Variants in STK24 observed in about 807,000 individuals in gnomAD.
The protein encoded by STK24 is serine/threonine-protein kinase 24.
Under a neutral mutation model 55.6 loss-of-function variants are expected in STK24, and 21 were observed. The observed-to-expected ratio is 0.38, with a 90% CI of 0.27 to 0.54. The LOEUF is 0.54. Ranked by LOEUF, STK24 falls within the 20% of genes least tolerant of loss-of-function variation. The pLI, the probability that STK24 is intolerant of heterozygous loss-of-function variation, is 0.79. For synonymous variants in STK24, 200 were observed against 215.2 expected (o/e 0.93, Z 0.62); for missense variants, 383 against 538.4 (o/e 0.71, Z 2.86).
At chr13:98,539,958 G>A (rs776373825) in intron 1 of STK24, among the ~76,000 whole-genome samples, 1 of 152,134 alleles carries the variant, frequency 6.6e-6, no homozygotes, top group Non-Finnish European at 1.5e-5. Context: ...AGTGCAAACG[G>A]CCTAAATGTC....
In STK24 at chr13:98,576,883, G is replaced by A. The variant is rs1897915903; in HGVS notation, c.-97C>T. On this transcript the variant is annotated 5_prime_UTR_variant, in exon 1 of 11. Coordinates refer to ENST00000539966, the MANE Select transcript of STK24 (RefSeq NM_001032296.4). ...GCGGGCCGCGCGCAGCCCTCGGGCG[G>A]CGGGGCCGGCCGGAGCCCGAGGCCA... 1 of 839,646 alleles carries A rather than the reference G, an allele frequency of 1.2e-6. No homozygotes were observed. 52.0% of individuals were successfully genotyped at this position (839,646 alleles called of 1,614,324 possible). A position where few individuals can be genotyped will look rare whatever the true frequency, so the allele number is the denominator to read the frequency against.
At chr13:98,463,967 T>G in intron 6 of STK24, 131 bp from the exon 7 acceptor site, 4 of 1,036,898 alleles carry the variant, frequency 3.9e-6, no homozygotes, top group Non-Finnish European at 5.6e-6. Flanking sequence ...TCCACAGCGC[T>G]TCTCACTGCA....
chr13:98,453,881 G>C (rs1463407529), intron 10 of STK24: 1 of 152,118 alleles, frequency 6.6e-6, no homozygotes, highest in Non-Finnish European at 1.5e-5. Context: ...ATTACAGATT[G>C]GGCATCCCTT....
At chr13:98,472,187 C>G (rs1203462180) in intron 5 of STK24, among the ~76,000 whole-genome samples, 1 of 152,250 alleles carries the variant, frequency 6.6e-6, no homozygotes, top group Non-Finnish European at 1.5e-5. Context: ...AGCCCTAAGG[C>G]CCCAGCGTGA....
At chr13:98,576,307 G>C (rs1274025535) in intron 1 of STK24, 1 of 832,794 alleles carries the variant, frequency 1.2e-6, no homozygotes, top group Non-Finnish European at 1.4e-6. Flanking sequence ...GCCCGGGGGT[G>C]GGGGACGAGC....
At chr13:98,571,349 A>C (rs1897734318) in intron 1 of STK24, among the ~76,000 whole-genome samples, 1 of 152,068 alleles carries the variant, frequency 6.6e-6, no homozygotes, top group Non-Finnish European at 1.5e-5. Context: ...AAAGTCAGAA[A>C]GAGGGTGGGA....
At chr13:98,566,455 C>A (rs1897573056) in intron 1 of STK24, among the ~76,000 whole-genome samples, 1 of 152,166 alleles carries the variant, frequency 6.6e-6, no homozygotes, top group Non-Finnish European at 1.5e-5. Context: ...GGCTTCCGCC[C>A]CAGTGATGCT....
intron 1 of STK24, among the ~76,000 whole-genome samples, chr13:98,558,583 A>T (rs1897333965): frequency 6.6e-6 from 1 of 152,218 alleles, no homozygotes; most frequent in African/African-American, 2.4e-5. Context: ...TCTTATGCCA[A>T]CTAGCTTCCT....
intron 1 of STK24, among the ~76,000 whole-genome samples, chr13:98,536,293 G>A (rs1396448933): frequency 6.6e-6 from 1 of 152,112 alleles, no homozygotes; most frequent in Non-Finnish European, 1.5e-5. Flanking sequence ...CACTTCAGTA[G>A]GGGCCAGAAA....
At chr13:98,486,969 G>A (rs1894832411) in intron 2 of STK24, among the ~76,000 whole-genome samples, 1 of 152,190 alleles carries the variant, frequency 6.6e-6, no homozygotes, top group Non-Finnish European at 1.5e-5. Flanking sequence ...GAAAGCACTT[G>A]GCAAAATTCA....
chr13:98,509,538 A>G (rs2139362292), intron 2 of STK24, among the ~76,000 whole-genome samples: 1 of 152,354 alleles, frequency 6.6e-6, no homozygotes, highest in Admixed American at 6.5e-5. Flanking sequence ...AAATTTGTAT[A>G]TTACAGTAAA....
chr13:98,476,705 A>C (rs905700507), intron 3 of STK24, among the ~76,000 whole-genome samples: 35 of 152,226 alleles, frequency 2.3e-4, no homozygotes, highest in African/African-American at 7.7e-4. Flanking sequence ...TTGTCACCGA[A>C]ACCACAGCCT....
rs60019968 is a variant in STK24 at position 98,447,844 on chromosome 13, C to CAAA, written c.*5326_*5328dup. Reference sequence around the variant, plus strand: ...TGAGTGACAGAGCCAGACCCTGTCTCAAAAAAAAAAGAAAAAGAAAAAAGG... The same window carrying CAAA: ...TGAGTGACAGAGCCAGACCCTGTCTCAAAAAAAAAAAAAGAAAAAGAAAAAAGG... On this transcript the variant is annotated 3_prime_UTR_variant, in exon 11 of 11. Transcript: ENST00000539966. The CAAA allele has an allele frequency of 1.6e-5, 3 of 184,366 alleles. No individual in the cohort carries two copies. Among genetic ancestry groups the CAAA allele is most frequent in the Admixed American group, 1.2e-4 (2 of 16,884 alleles). 11.4% of individuals were successfully genotyped at this position (184,366 alleles called of 1,614,324 possible).
At chr13:98,495,666 G>A (rs1895226307) in intron 2 of STK24, among the ~76,000 whole-genome samples, 1 of 152,202 alleles carries the variant, frequency 6.6e-6, no homozygotes, top group Non-Finnish European at 1.5e-5. Context: ...AGTGTGTTCA[G>A]CAGAGAGAAA....
chr13:98,475,715 G>T (rs1416015815), intron 3 of STK24, among the ~76,000 whole-genome samples: 3 of 152,206 alleles, frequency 2.0e-5, no homozygotes, highest in African/African-American at 7.2e-5. Flanking sequence ...GACCCGGCCT[G>T]CGCCTGCAGC....
chr13:98,571,906 G>T (rs532431014), intron 1 of STK24, among the ~76,000 whole-genome samples: 1 of 152,090 alleles, frequency 6.6e-6, no homozygotes, highest in Non-Finnish European at 1.5e-5. Flanking sequence ...CCTTCTAAAG[G>T]GGCACCCAGC....
At chr13:98,518,916 T>C (rs1350501389) in intron 2 of STK24, among the ~76,000 whole-genome samples, 5 of 152,194 alleles carry the variant, frequency 3.3e-5, no homozygotes, top group African/African-American at 4.8e-5. Context: ...GAGTTTTTAA[T>C]ACTAATCATA....
At chr13:98,460,471 A>G (rs1302443697) in intron 8 of STK24, 31 bp from the exon 9 acceptor site, 1 of 1,587,892 alleles carries the variant, frequency 6.3e-7, no homozygotes, top group Non-Finnish European at 8.6e-7. Context: ...AGGTCATCAG[A>G]AACAGTTGAC....
chr13:98,546,905 T>G (rs951196802), intron 1 of STK24, among the ~76,000 whole-genome samples: 18 of 152,072 alleles, frequency 1.2e-4, no homozygotes, highest in African/African-American at 4.4e-4. Flanking sequence ...ATTGTTGTTT[T>G]TTTTTGTTTG....
Sources: allele counts gnomAD v4.1 joint callset (sites outside exome capture counted in the v4.1 genomes callset), GRCh38; gene constraint gnomAD v4.1.1; transcripts MANE v1.5; gene names NCBI Gene and HGNC (gene_info 2026-07-23, HGNC 2026-07-21).